Variants in KIAA0586 observed in about 807,000 individuals in gnomAD.
KIAA0586 encodes the protein KIAA0586, also known as protein TALPID3.
Under a neutral mutation model 169.8 loss-of-function variants are expected in KIAA0586, and 144 were observed. The ratio of observed to expected loss-of-function variants is 0.85; its 90% CI spans 0.74 to 0.97. The LOEUF is 0.97. Among genes scored for constraint, KIAA0586 ranks in the 50% least tolerant of loss-of-function variants. The pLI, the probability that KIAA0586 is intolerant of heterozygous loss-of-function variation, is 0.00. For synonymous variants in KIAA0586, 625 were observed against 612.4 expected, an observed-to-expected ratio of 1.02 and a Z score of -0.30; for missense variants, 1,854 against 1,823.0, an observed-to-expected ratio of 1.02 and a Z score of -0.31.
At chr14:58,452,163 A>G (rs909528941) in intron 8 of KIAA0586, among the ~76,000 whole-genome samples, 2 of 152,182 alleles carry the variant, frequency 1.3e-5, no homozygotes, top group African/African-American at 4.8e-5. Context: ...ATAAAAGACT[A>G]CAAATTGGGT....
intron 15 of KIAA0586, 119 bp downstream of exon 15, chr14:58,466,148 T>C (rs750842437): frequency 4.4e-6 from 3 of 687,406 alleles, no homozygotes; most frequent in Non-Finnish European, 7.1e-6. Flanking sequence ...ACTCCTGGAC[T>C]CAAGCAGTCC....
chr14:58,449,692 G>C (rs1365093440), intron 7 of KIAA0586, among the ~76,000 whole-genome samples: 1 of 152,180 alleles, frequency 6.6e-6, no homozygotes, highest in African/African-American at 2.4e-5. Flanking sequence ...CCAGAACTCA[G>C]CTTTCAGTAT....
intron 18 of KIAA0586, among the ~76,000 whole-genome samples, chr14:58,472,908 G>C (rs2041333938): frequency 7.0e-6 from 1 of 143,466 alleles, no homozygotes; most frequent in South Asian, 2.6e-4. Context: ...AGAATATACA[G>C]AGGTGTGCAG....
chr14:58,548,089 T>A lies in KIAA0586; in HGVS notation c.*157T>A. 1.2e-6 allele frequency: 1 copy of A among 830,436 alleles called. No homozygotes were observed. The highest frequency in any genetic ancestry group is 1.8e-6 in the Non-Finnish European group (1 of 553,466). The allele number at this position is 830,436 out of a possible 1,614,324, so 51.4% of individuals were successfully genotyped here. On this transcript the variant is annotated 3_prime_UTR_variant, in exon 31 of 31. Transcript: ENST00000652326. ...AAACAAAAAGCATAATTTGGGTATT[T>A]AAAGTTTTTAAATAAAATAAGTATA...
At chr14:58,490,143 C>A in intron 24 of KIAA0586, 21 bp from the exon 25 acceptor site, 1 of 1,121,460 alleles carries the variant, frequency 8.9e-7, no homozygotes, top group Non-Finnish European at 1.3e-6. Flanking sequence ...TTTTTCTAAA[C>A]TTTTATATTT....
chr14:58,492,947 T>G (rs2042925521), intron 26 of KIAA0586, among the ~76,000 whole-genome samples: 1 of 152,144 alleles, frequency 6.6e-6, no homozygotes, highest in Non-Finnish European at 1.5e-5. Flanking sequence ...GAGAAGGAGA[T>G]TGAACCAGAT....
chr14:58,472,837 A>T (rs1748990), intron 18 of KIAA0586, among the ~76,000 whole-genome samples: 148,481 of 148,922 alleles, frequency 1, 74,023 homozygotes, highest in Middle Eastern at 1. Flanking sequence ...CATTTGATCA[A>T]GTTTCTTTGA....
chr14:58,522,973 T>C (rs937588772), intron 29 of KIAA0586, among the ~76,000 whole-genome samples: 2 of 152,178 alleles, frequency 1.3e-5, no homozygotes, highest in Admixed American at 6.5e-5. Context: ...TTATTTTAAC[T>C]GTTCCAATGT....
At chr14:58,428,611 C>T in intron 1 of KIAA0586, 148 bp downstream of exon 1, 1 of 607,564 alleles carries the variant, frequency 1.6e-6, no homozygotes, top group Non-Finnish European at 2.8e-6. Flanking sequence ...GGCCAGGAAG[C>T]CTATAAAATG....
At position 58,491,180 on chromosome 14, in the gene KIAA0586, G is replaced by A. The variant is rs886130581; in HGVS notation, c.3858+940G>A. Among the ~76,000 whole-genome samples, 12 of 152,158 alleles carry A rather than the reference G, an allele frequency of 7.9e-5. No individual in the cohort carries two copies. The East Asian group carries it at 2.3e-3, about 29-fold the overall frequency. On this transcript the variant is annotated intron_variant, in intron 25 of 30. Transcript: ENST00000652326. ...TCCTCTCTTTGAACTTTTTCAAGTGGCAAAGCATGTTTAAATTTATTTAAA... is the reference window on the plus strand; with the variant it reads ...TCCTCTCTTTGAACTTTTTCAAGTGACAAAGCATGTTTAAATTTATTTAAA...
At chr14:58,514,072 A>T (rs1044914136) in intron 29 of KIAA0586, among the ~76,000 whole-genome samples, 1 of 152,136 alleles carries the variant, frequency 6.6e-6, no homozygotes, top group Non-Finnish European at 1.5e-5. Context: ...CTATAAAGAG[A>T]ACATTTTAAA....
chr14:58,485,116 G>A (rs983466847), intron 21 of KIAA0586, among the ~76,000 whole-genome samples: 3 of 148,768 alleles, frequency 2.0e-5, no homozygotes, highest in Non-Finnish European at 3.0e-5. Flanking sequence ...TAGAAACGGG[G>A]TTTCACCATG....
At chr14:58,510,619 T>C (rs2044321794) in intron 28 of KIAA0586, among the ~76,000 whole-genome samples, 1 of 152,166 alleles carries the variant, frequency 6.6e-6, no homozygotes, top group African/African-American at 2.4e-5. Context: ...TGCATTTCAC[T>C]CCTAGTTTCT....
At position 58,477,202 on chromosome 14, in the gene KIAA0586, T is replaced by G; in HGVS notation, c.2905T>G (p.Ser969Ala). 6.3e-7 allele frequency: 1 copy of G among 1,578,508 alleles called. No homozygotes were observed. The highest frequency in any genetic ancestry group is 1.2e-5 in the South Asian group (1 of 86,218). ...QQQIAPSISVSVSETSEPLTS... is the reference protein window; with the variant it reads ...QQQIAPSISVAVSETSEPLTS... ...ACAGATTGCACCTAGTATCAGTGTT[T>G]CAGTCAGTGAGACAAGTGAACCACT... Residue 969 changes from serine to alanine, a missense_variant, in exon 20 of 31, where the codon TCA becomes GCA. Physicochemically the swap from Ser to Ala is moderately conservative, Grantham distance 99. Transcript: ENST00000652326.
chr14:58,428,830 G>A (rs143337788), intron 1 of KIAA0586, among the ~76,000 whole-genome samples: 20 of 151,952 alleles, frequency 1.3e-4, no homozygotes, highest in African/African-American at 4.8e-4. Context: ...TCTTTTCATA[G>A]TGGGAAAAGC....
chr14:58,507,165 G>A (rs200813915), intron 27 of KIAA0586, among the ~76,000 whole-genome samples: 4 of 139,176 alleles, frequency 2.9e-5, no homozygotes, highest in Non-Finnish European at 4.5e-5. Flanking sequence ...AAAAAAAAGT[G>A]TATATATATA....
At chr14:58,427,489 G>C (rs1393975056), upstream of KIAA0586, 4 of 1,135,436 alleles carry the variant, frequency 3.5e-6, no homozygotes, top group Non-Finnish European at 5.0e-6. Context: ...TTCAAGTCTT[G>C]GATGAGACTG....
intron 5 of KIAA0586, 81 bp downstream of exon 5, chr14:58,442,961 G>T (rs2038531398): frequency 9.6e-7 from 1 of 1,038,496 alleles, no homozygotes; most frequent in East Asian, 2.6e-5. Flanking sequence ...ATAAATGGTT[G>T]TGTCCAGTTA....
At chr14:58,466,990 AT>A (rs756672705) in intron 15 of KIAA0586, among the ~76,000 whole-genome samples, 100 of 152,250 alleles carry the variant, frequency 6.6e-4, no homozygotes, top group Non-Finnish European at 1.1e-3. Flanking sequence ...TTCAAGTCTA[AT>A]TAGCTCTTTT....
Sources: gnomAD v4.1 joint callset for allele counts (sites outside exome capture counted in the v4.1 genomes callset) on GRCh38, gnomAD v4.1.1 for gene constraint, MANE v1.5 for transcripts, NCBI Gene and HGNC (gene_info 2026-07-23, HGNC 2026-07-21) for gene names.